The following SLC35D2 variants were observed in gnomAD, a reference collection of about 807,000 sequenced individuals.
SLC35D2 encodes the protein nucleotide sugar transporter SLC35D2.
Under a neutral mutation model 41.8 loss-of-function variants are expected in SLC35D2, and 43 were observed. That is an observed-to-expected ratio of 1.03 (90% CI 0.81 to 1.33). SLC35D2 has a LOEUF of 1.33. Among genes scored for constraint, SLC35D2 ranks in the 40% most tolerant of loss-of-function variants. The pLI is 0.00. For missense variants in SLC35D2, 380 were observed against 408.4 expected (o/e 0.93, Z 0.60); for synonymous variants, 150 against 163.9 (o/e 0.92, Z 0.65).
intron 4 of SLC35D2, among the ~76,000 whole-genome samples, chr9:96,358,075 A>AT (rs1216250228): frequency 5.5e-5 from 5 of 91,498 alleles, no homozygotes; most frequent in South Asian, 3.2e-4. Flanking sequence ...AAAATATTAT[A>AT]TATTTTATAT....
intron 1 of SLC35D2, 52 bp from the exon 2 acceptor site, chr9:96,368,357 G>A: frequency 7.5e-7 from 1 of 1,340,000 alleles, no homozygotes; most frequent in Non-Finnish European, 1.0e-6. Flanking sequence ...AAACTCTGAA[G>A]ATAGTACATA....
rs183299193 is a variant in SLC35D2 at position 96,366,220 on chromosome 9, T to C, written c.193-1670A>G. The stretch of plus-strand genomic sequence containing the variant: ...GAAAGGCTGAGGCAGGAGGATCACT[T>C]GAGCCCAGGAGGTGAAGGGTACAGT... On this transcript the variant is annotated intron_variant, in intron 2 of 11. Transcript: ENST00000253270. Among the ~76,000 whole-genome samples, 315 of 150,166 alleles carry C rather than the reference T, an allele frequency of 2.1e-3. 2 individuals are homozygous for C. The highest frequency in any genetic ancestry group is 3.7e-3 in the Non-Finnish European group (251 of 67,822).
chr9:96,321,143 T>C lies in SLC35D2; in HGVS notation c.*99A>G, dbSNP rs1828199831. Reference sequence around the variant, plus strand: ...CAGATGCTCTCACTTGCCCAGGGGGTGGATGTCACGAATCCGAAACCTCTG... The same window carrying C: ...CAGATGCTCTCACTTGCCCAGGGGGCGGATGTCACGAATCCGAAACCTCTG... On this transcript the variant is annotated 3_prime_UTR_variant, in exon 12 of 12. Transcript: ENST00000253270. 1.2e-6 allele frequency: 1 copy of C among 835,688 alleles called. No individual in the cohort carries two copies. Among genetic ancestry groups the C allele is most frequent in the African/African-American group, 1.7e-5 (1 of 58,898 alleles). The allele number at this position is 835,688 out of a possible 1,614,324, so 51.8% of individuals were successfully genotyped here. A position where few individuals can be genotyped will look rare whatever the true frequency, so the allele number is the denominator to read the frequency against.
At chr9:96,342,804 A>C (rs1402141974) in intron 8 of SLC35D2, among the ~76,000 whole-genome samples, 1 of 152,228 alleles carries the variant, frequency 6.6e-6, no homozygotes, top group African/African-American at 2.4e-5. Flanking sequence ...GGAGCTGCCC[A>C]GGAGTCCACA....
chr9:96,316,504 G>A (rs548262808), downstream of SLC35D2, among the ~76,000 whole-genome samples: 3 of 151,484 alleles, frequency 2.0e-5, no homozygotes, highest in East Asian at 1.9e-4. Flanking sequence ...AAAAAAAAAG[G>A]GGGGGAAGAT....
At chr9:96,353,284 C>T (rs534008758) in intron 4 of SLC35D2, among the ~76,000 whole-genome samples, 6 of 152,034 alleles carry the variant, frequency 3.9e-5, no homozygotes, top group Admixed American at 2.6e-4. Flanking sequence ...GGATACAAAA[C>T]CATGTAGGAT....
At chr9:96,350,346 C>CTTTTTT (rs1564107383) in intron 6 of SLC35D2, among the ~76,000 whole-genome samples, 8 of 130,532 alleles carry the variant, frequency 6.1e-5, no homozygotes, top group African/African-American at 2.3e-4. Flanking sequence ...AATTTTCTTT[C>CTTTTTT]CTTTTTTTTT....
At chr9:96,353,752 C>A (rs1031734138) in intron 4 of SLC35D2, among the ~76,000 whole-genome samples, 2 of 152,206 alleles carry the variant, frequency 1.3e-5, no homozygotes, top group African/African-American at 4.8e-5. Context: ...TAGTTAAGAA[C>A]CTTCTACCCA....
At chr9:96,379,136 GAA>G (rs57361495) in intron 1 of SLC35D2, among the ~76,000 whole-genome samples, 9 of 129,934 alleles carry the variant, frequency 6.9e-5, no homozygotes, top group Admixed American at 8.1e-5. Context: ...CCTCTCTACA[GAA>G]AAAAAAAAAA....
At chr9:96,369,742 A>G (rs867967267) in intron 1 of SLC35D2, among the ~76,000 whole-genome samples, 14 of 152,052 alleles carry the variant, frequency 9.2e-5, no homozygotes, top group Middle Eastern at 3.2e-3. Context: ...ACCTCACATC[A>G]TATTTTAACA....
intron 4 of SLC35D2, among the ~76,000 whole-genome samples, chr9:96,354,222 C>T (rs967099711): frequency 6.6e-6 from 1 of 152,206 alleles, no homozygotes; most frequent in African/African-American, 2.4e-5. Flanking sequence ...AGGATGTTCA[C>T]TCTCACTATT....
chr9:96,322,368 A>T (rs1034706936), intron 10 of SLC35D2, among the ~76,000 whole-genome samples: 1 of 152,062 alleles, frequency 6.6e-6, no homozygotes, highest in Non-Finnish European at 1.5e-5. Flanking sequence ...AAAATTTTTT[A>T]AAAGTAGCCG....
intron 1 of SLC35D2, among the ~76,000 whole-genome samples, chr9:96,381,558 C>T (rs1162909997): frequency 6.6e-6 from 1 of 152,184 alleles, no homozygotes; most frequent in Non-Finnish European, 1.5e-5. Flanking sequence ...TGCATACTCT[C>T]CCCTCCCTCT....
downstream of SLC35D2, among the ~76,000 whole-genome samples, chr9:96,317,137 CAAA>C (rs199556211): frequency 1.5e-5 from 2 of 131,568 alleles, no homozygotes; most frequent in Admixed American, 7.7e-5. Context: ...GACTCCCTCT[CAAA>C]AAAAAAAAAA....
intron 9 of SLC35D2, among the ~76,000 whole-genome samples, chr9:96,324,926 G>A (rs1280529743): frequency 6.6e-6 from 1 of 152,106 alleles, no homozygotes; most frequent in Non-Finnish European, 1.5e-5. Flanking sequence ...TTGAGGTGGG[G>A]CCCCGACCGT....
At chr9:96,314,113 T>C (rs1050534789) in exon 12 of SLC35D2, 2 of 152,250 alleles carry the variant, frequency 1.3e-5, no homozygotes, top group African/African-American at 2.4e-5. Context: ...TAGCCAGGTG[T>C]AATGGTGTGT....
intron 3 of SLC35D2, among the ~76,000 whole-genome samples, chr9:96,361,623 TG>T (rs1830281351): frequency 6.6e-6 from 1 of 151,772 alleles, no homozygotes; most frequent in African/African-American, 2.4e-5. Flanking sequence ...AGTTCGAAGC[TG>T]CAGTGAGCTG....
At chr9:96,314,261 G>C (rs545084515) in exon 12 of SLC35D2, 4 of 151,408 alleles carry the variant, frequency 2.6e-5, no homozygotes, top group African/African-American at 7.4e-5. Context: ...CAAAAAAAAA[G>C]ATTTTTAAAA....
At chr9:96,370,249 T>A (rs1830623489) in intron 1 of SLC35D2, among the ~76,000 whole-genome samples, 1 of 152,196 alleles carries the variant, frequency 6.6e-6, no homozygotes, top group South Asian at 2.1e-4. Flanking sequence ...CTCTGCCTAA[T>A]TCTGCCTCCT....
Sources: allele counts gnomAD v4.1 joint callset (sites outside exome capture counted in the v4.1 genomes callset), GRCh38; gene constraint gnomAD v4.1.1; transcripts MANE v1.5; gene names NCBI Gene and HGNC (gene_info 2026-07-23, HGNC 2026-07-21).